COQ10A: variants seen among roughly 807,000 people sequenced by gnomAD.
COQ10A encodes the protein coenzyme Q-binding protein COQ10 homolog A, mitochondrial.
COQ10A carries 25 observed loss-of-function variants against 26.1 expected under a neutral mutation model. That is an observed-to-expected ratio of 0.96 (90% CI 0.70 to 1.34). The LOEUF (loss-of-function observed/expected upper bound fraction) is 1.34, where lower values mean the gene tolerates loss of function less well. Among genes scored for constraint, COQ10A ranks in the 40% most tolerant of loss-of-function variants. The probability of loss-of-function intolerance (pLI) is 0.00; values close to 1 mark genes in which losing one functional copy is unlikely to be tolerated. For missense variants in COQ10A, 312 were observed against 335.4 expected (o/e 0.93, Z 0.54); for synonymous variants, 132 against 124.0 (o/e 1.06, Z -0.43).
chr12:56,267,628 C>T (rs1872389334), intron 1 of COQ10A, 166 bp from the exon 2 acceptor site: 6 of 1,199,300 alleles, frequency 5.0e-6, no homozygotes, highest in East Asian at 4.7e-5. Flanking sequence ...ACCTTTTGCA[C>T]TCGTGACTCC....
chr12:56,268,050 C>G, intron 2 of COQ10A, 110 bp downstream of exon 2: 3 of 1,347,906 alleles, frequency 2.2e-6, no homozygotes, highest in Non-Finnish European at 3.1e-6. Context: ...CCCTAGCCAT[C>G]CCCCTCCCCA....
At chr12:56,267,695 A>T in intron 1 of COQ10A, 99 bp from the exon 2 acceptor site, 1 of 1,530,164 alleles carries the variant, frequency 6.5e-7, no homozygotes, top group Non-Finnish European at 9.1e-7. Context: ...GCTTGTTTGG[A>T]CGACCTTCGT....
intron 1 of COQ10A, 35 bp from the exon 2 acceptor site, chr12:56,267,759 A>G: frequency 6.2e-7 from 1 of 1,613,958 alleles, no homozygotes; most frequent in South Asian, 1.1e-5. Flanking sequence ...ATTACGAAGA[A>G]CTATACGGTT....
chr12:56,270,612 C>A lies in COQ10A; in HGVS notation c.*295C>A, dbSNP rs1872491963. 3.6e-6 allele frequency: 1 copy of A among 276,070 alleles called. No homozygotes were observed. Among genetic ancestry groups the A allele is most frequent in the South Asian group, 8.7e-5 (1 of 11,558 alleles). 17.1% of individuals were successfully genotyped at this position (276,070 alleles called of 1,614,324 possible). A position where few individuals can be genotyped will look rare whatever the true frequency, so the allele number is the denominator to read the frequency against. ...TAAGGACTATGTGGTTGTCTCTGGA[C>A]CTTATCAAGACACCTTAGTGTCTGA... On this transcript the variant is annotated 3_prime_UTR_variant, in exon 5 of 5. Coordinates refer to ENST00000308197, the MANE Select transcript of COQ10A (RefSeq NM_144576.4).
At chr12:56,269,893 C>T in intron 4 of COQ10A, 2 of 539,276 alleles carry the variant, frequency 3.7e-6, no homozygotes, top group East Asian at 3.3e-5. Flanking sequence ...TCCCAAAGTG[C>T]TGGGATTACA....
At chr12:56,269,298 G>C (rs370908934) in intron 3 of COQ10A, 47 bp downstream of exon 3, 555 of 1,583,800 alleles carry the variant, frequency 3.5e-4, no homozygotes, top group Non-Finnish European at 3.8e-4. Context: ...GTTTTTAGCA[G>C]TTTCATATGA....
In COQ10A at chr12:56,267,108, G is replaced by A; in HGVS notation, c.-11G>A. Reference sequence around the variant, plus strand: ...GCGTCAGAACTTAGAGGGCCAGGCAGGGTCGCGCGCATGGCCTGGGCGGGC... The same window carrying A: ...GCGTCAGAACTTAGAGGGCCAGGCAAGGTCGCGCGCATGGCCTGGGCGGGC... On this transcript the variant is annotated 5_prime_UTR_variant, in exon 1 of 5. Coordinates refer to ENST00000308197, the MANE Select transcript of COQ10A (RefSeq NM_144576.4). 7.0e-6 allele frequency: 9 copies of A among 1,286,690 alleles called. No homozygotes were observed. Among genetic ancestry groups the A allele is most frequent in the Non-Finnish European group, 8.8e-6 (9 of 1,021,846 alleles). The allele number at this position is 1,286,690 out of a possible 1,614,324, so 79.7% of individuals were successfully genotyped here.
chr12:56,269,253 T>G lies in COQ10A; in HGVS notation c.474+2T>G. The G allele has an allele frequency of 6.2e-7, 1 of 1,613,670 alleles. No individual in the cohort carries two copies. The highest frequency in any genetic ancestry group is 8.5e-7 in the Non-Finnish European group (1 of 1,179,604). On this transcript the variant is annotated splice_donor_variant, in intron 3 of 4. Transcript: ENST00000308197. LOFTEE classifies it high-confidence loss of function. ...ATGGTCAAACCTCACATGGTCAAGG[T>G]GAGGCCTGTATGGGAGGGATTGACA...
chr12:56,267,367 C>A, intron 1 of COQ10A, 115 bp downstream of exon 1: 2 of 1,613,788 alleles, frequency 1.2e-6, no homozygotes, highest in Non-Finnish European at 1.7e-6. Context: ...AGCAATCATG[C>A]CCTGGGAGCT....
intron 1 of COQ10A, 76 bp from the exon 2 acceptor site, chr12:56,267,718 C>A (rs749089089): frequency 1.8e-5 from 29 of 1,594,876 alleles, no homozygotes; most frequent in Middle Eastern, 1.7e-4. Flanking sequence ...GGGATGCACT[C>A]TTCTTCTCCT....
chr12:56,270,567 C>G lies in COQ10A; in HGVS notation c.*250C>G, dbSNP rs1192265975. ...CGTAGGAGCACCATATGCCTGCAGC[C>G]TTTTCACTACGAATTAGAATAAGGA... On this transcript the variant is annotated 3_prime_UTR_variant, in exon 5 of 5. Coordinates refer to ENST00000308197, the MANE Select transcript of COQ10A (RefSeq NM_144576.4). 2.3e-6 allele frequency: 1 copy of G among 441,554 alleles called. No individual in the cohort carries two copies. The highest frequency in any genetic ancestry group is 4.1e-6 in the Non-Finnish European group (1 of 246,418). The allele number at this position is 441,554 out of a possible 1,614,324, so 27.4% of individuals were successfully genotyped here. A position where few individuals can be genotyped will look rare whatever the true frequency, so the allele number is the denominator to read the frequency against.
chr12:56,267,050 C>T lies in COQ10A; in HGVS notation c.-69C>T, dbSNP rs1361700277. The T allele has an allele frequency of 8.2e-7, 1 of 1,221,888 alleles. No individual in the cohort carries two copies. The highest frequency in any genetic ancestry group is 3.3e-5 in the South Asian group (1 of 30,030). 75.7% of individuals were successfully genotyped at this position (1,221,888 alleles called of 1,614,324 possible). On this transcript the variant is annotated 5_prime_UTR_variant, in exon 1 of 5. Coordinates refer to ENST00000308197, the MANE Select transcript of COQ10A (RefSeq NM_144576.4). ...AACCAGCCCAGCCGCTGCCTCTTGCCGCTCCGCCTTTGGAGTGAGGAGGGC... is the reference window on the plus strand; with the variant it reads ...AACCAGCCCAGCCGCTGCCTCTTGCTGCTCCGCCTTTGGAGTGAGGAGGGC...
intron 1 of COQ10A, 188 bp downstream of exon 1, chr12:56,267,440 G>C (rs2135903713): frequency 6.2e-7 from 1 of 1,613,940 alleles, no homozygotes; most frequent in Middle Eastern, 1.6e-4. Flanking sequence ...CGGGGTGAGT[G>C]TCCAACCTCT....
At chr12:56,267,502 A>G in intron 1 of COQ10A, 3 of 1,582,154 alleles carry the variant, frequency 1.9e-6, no homozygotes, top group Non-Finnish European at 2.6e-6. Flanking sequence ...ATGCTTCCTT[A>G]AAGTCTTAGC....
Position 56,267,003 on chromosome 12 carries a change from G to A in COQ10A, c.-116G>A. 1 of 1,078,664 alleles carries A rather than the reference G, an allele frequency of 9.3e-7. No individual in the cohort carries two copies. The highest frequency in any genetic ancestry group is 1.2e-6 in the Non-Finnish European group (1 of 860,348). 66.8% of individuals were successfully genotyped at this position (1,078,664 alleles called of 1,614,324 possible). A position where few individuals can be genotyped will look rare whatever the true frequency, so the allele number is the denominator to read the frequency against. On this transcript the variant is annotated 5_prime_UTR_variant, in exon 1 of 5. Transcript: ENST00000308197. ...GCGAGAGGTGCTGCCGCCTCCCGTC[G>A]CCCCTGCGCTCAGAGGTCCCGAACC...
In COQ10A at chr12:56,269,081, G is replaced by C; in HGVS notation, c.304G>C (p.Glu102Gln). 6.2e-7 allele frequency: 1 copy of C among 1,613,978 alleles called. No individual in the cohort carries two copies. Among genetic ancestry groups the C allele is most frequent in the Non-Finnish European group, 8.5e-7 (1 of 1,180,012 alleles). The change falls in exon 3 of 5, where the codon GAG becomes CAG. Residue 102 changes from glutamate to glutamine, a missense_variant. Transcript: ENST00000308197. The stretch of plus-strand genomic sequence containing the variant: ...TAGGTACTCAATGCAGGAGATGTAT[G>C]AGGTGGTGTCCAACGTCCAGGAGTA... ...IMGYSMQEMY[E>Q]VVSNVQEYRE...
intron 3 of COQ10A, 103 bp downstream of exon 3, chr12:56,269,354 C>A: frequency 6.9e-7 from 1 of 1,447,920 alleles, no homozygotes; most frequent in South Asian, 1.2e-5. Context: ...GTCCATGTGT[C>A]AAGTATTTCC....
rs202068645 is a variant in COQ10A, at chr12:56,269,207, C to T, written c.430C>T (p.Arg144Cys). 13 of 1,614,134 alleles carry T rather than the reference C, an allele frequency of 8.1e-6. No individual in the cohort carries two copies. Among genetic ancestry groups the T allele is most frequent in the East Asian group, 2.2e-5 (1 of 44,882 alleles). The change falls in exon 3 of 5, where the codon CGT becomes TGT. Residue 144 changes from arginine (R) to cysteine (C), a missense_variant. By Grantham distance (180) the Arg-to-Cys change is radical (BLOSUM62 -3). Transcript: ENST00000308197. ...GGTTGGCTTTCCACCTGTCATGGAA[C>T]GTTACACCTCTGCAGTTTCCATGGT... ...LEVGFPPVME[R>C]YTSAVSMVKP...
intron 2 of COQ10A, 179 bp downstream of exon 2, chr12:56,268,119 C>G: frequency 1.3e-6 from 1 of 793,658 alleles, no homozygotes; most frequent in Non-Finnish European, 2.0e-6. Flanking sequence ...TTTCTCCCTT[C>G]TTGGTTGCTG....
Sources: allele counts gnomAD v4.1 joint callset, GRCh38; gene constraint gnomAD v4.1.1; transcripts MANE v1.5; gene names NCBI Gene and HGNC (gene_info 2026-07-23, HGNC 2026-07-21).